VWA8: variants seen among roughly 807,000 people sequenced by gnomAD.
VWA8 encodes the protein von Willebrand factor A domain containing 8.
VWA8 carries 221 observed loss-of-function variants against 241.5 expected under a neutral mutation model. That is an observed-to-expected ratio of 0.91 (90% CI 0.82 to 1.02). The LOEUF (loss-of-function observed/expected upper bound fraction) is 1.02. Among genes scored for constraint, VWA8 ranks in the 50% least tolerant of loss-of-function variants. VWA8 has a pLI of 0.00. For missense variants in VWA8, 2,322 were observed against 2,328.7 expected, an observed-to-expected ratio of 1.00 and a Z score of 0.06; for synonymous variants, 852 against 827.1, an observed-to-expected ratio of 1.03 and a Z score of -0.52.
At chr13:41,749,901 C>T (rs942296359) in intron 21 of VWA8, among the ~76,000 whole-genome samples, 2 of 151,550 alleles carry the variant, frequency 1.3e-5, no homozygotes, top group Non-Finnish European at 2.9e-5. Flanking sequence ...GGAGGGATAG[C>T]ATTAGGAGAT....
intron 24 of VWA8, 31 bp from the exon 25 acceptor site, chr13:41,721,606 T>C: frequency 6.3e-7 from 1 of 1,589,658 alleles, no homozygotes; most frequent in South Asian, 1.1e-5. Context: ...ACATTCAGTA[T>C]GCAACAAATC....
Position 41,885,456 on chromosome 13 carries a change from A to C in VWA8, c.975+464T>G, listed in dbSNP as rs186141620. On this transcript the variant is annotated intron_variant, in intron 8 of 44. Coordinates refer to ENST00000379310, the MANE Select transcript of VWA8 (RefSeq NM_015058.2). ...AGCAATTGCTGTAGGTCTTTCTAAG[A>C]AGACGATCCTTGGGCTCTTGAAGCC... 5.0e-3 allele frequency among the ~76,000 whole-genome samples: 767 copies of C among 152,322 alleles called. 8 individuals carry two copies. Among genetic ancestry groups the C allele is most frequent in the African/African-American group, 0.018 (731 of 41,562 alleles).
chr13:41,633,169 C>T (rs1426346363), intron 37 of VWA8, among the ~76,000 whole-genome samples: 1 of 152,192 alleles, frequency 6.6e-6, no homozygotes, highest in East Asian at 1.9e-4. Flanking sequence ...TACATCCACA[C>T]ATATACATTT....
At chr13:41,867,394 T>TC (rs573320803) in intron 10 of VWA8, among the ~76,000 whole-genome samples, 90 of 152,300 alleles carry the variant, frequency 5.9e-4, no homozygotes, top group African/African-American at 2.0e-3. Context: ...GATGAACCAT[T>TC]CATCTGAACA....
chr13:41,944,019 C>CTGGGA (rs1273456670), intron 2 of VWA8, among the ~76,000 whole-genome samples: 6 of 151,714 alleles, frequency 4.0e-5, no homozygotes, highest in Admixed American at 3.9e-4. Flanking sequence ...GTAGGAGAAT[C>CTGGGA]GCTTGAACCT....
intron 37 of VWA8, among the ~76,000 whole-genome samples, chr13:41,637,486 C>T (rs1296579071): frequency 2.8e-4 from 42 of 151,016 alleles, no homozygotes; most frequent in Non-Finnish European, 2.5e-4. Context: ...ATGGGTGCAG[C>T]ACACCAACGT....
In VWA8 at chr13:41,949,626, A is replaced by T. The variant is rs190339607; in HGVS notation, c.241+310T>A. Among the ~76,000 whole-genome samples the T allele has an allele frequency of 8.3e-3, 1,213 of 145,386 alleles. 8 individuals carry two copies. The highest frequency in any genetic ancestry group is 0.011 in the Non-Finnish European group (751 of 65,614). On this transcript the variant is annotated intron_variant, in intron 2 of 44. Coordinates refer to ENST00000379310, the MANE Select transcript of VWA8 (RefSeq NM_015058.2). The stretch of plus-strand genomic sequence containing the variant: ...GTGTCCCAGGGCTTAAAGTATAATT[A>T]AAAAAAAAAAAAGTTCTGTGCATTA...
chr13:41,904,533 A>G (rs1394764384), intron 4 of VWA8, among the ~76,000 whole-genome samples: 2 of 152,098 alleles, frequency 1.3e-5, no homozygotes, highest in African/African-American at 4.8e-5. Context: ...TTTTTTTAAA[A>G]CCTTGTCAAT....
At chr13:41,881,847 G>A (rs1593841687) in intron 9 of VWA8, among the ~76,000 whole-genome samples, 1 of 146,736 alleles carries the variant, frequency 6.8e-6, no homozygotes, top group East Asian at 2.1e-4. Context: ...CGGCTGGCCG[G>A]GCGGGGGGCT....
chr13:41,815,620 C>G (rs1333762449), intron 16 of VWA8, among the ~76,000 whole-genome samples: 3 of 152,220 alleles, frequency 2.0e-5, no homozygotes, highest in African/African-American at 7.2e-5. Context: ...CCTGGAGCCT[C>G]CGATGGAGTG....
chr13:41,668,805 T>C (rs1221543018), intron 37 of VWA8, among the ~76,000 whole-genome samples: 1 of 152,206 alleles, frequency 6.6e-6, no homozygotes, highest in Non-Finnish European at 1.5e-5. Context: ...AGTATGTATA[T>C]AAGTATGCAT....
intron 12 of VWA8, among the ~76,000 whole-genome samples, chr13:41,856,493 G>A (rs1028453189): frequency 5.3e-5 from 8 of 152,154 alleles, no homozygotes; most frequent in Admixed American, 4.6e-4. Flanking sequence ...AGAGTATTCA[G>A]TTCTCAATAA....
intron 2 of VWA8, among the ~76,000 whole-genome samples, chr13:41,917,039 T>C (rs923554113): frequency 6.6e-6 from 1 of 152,210 alleles, no homozygotes; most frequent in Non-Finnish European, 1.5e-5. Context: ...CATACTGGCC[T>C]AAATCCCTGA....
At chr13:41,803,428 AAAAG>A (rs1328574256) in intron 17 of VWA8, among the ~76,000 whole-genome samples, 1 of 152,216 alleles carries the variant, frequency 6.6e-6, no homozygotes, top group African/African-American at 2.4e-5. Context: ...GGAAATTTAC[AAAAG>A]AAAGAGGTTT....
At chr13:41,636,406 C>T (rs1043408101) in intron 37 of VWA8, among the ~76,000 whole-genome samples, 1 of 152,118 alleles carries the variant, frequency 6.6e-6, no homozygotes, top group Non-Finnish European at 1.5e-5. Flanking sequence ...CCCTTCCTTA[C>T]ACCTTGTACA....
intron 37 of VWA8, among the ~76,000 whole-genome samples, chr13:41,656,953 G>A (rs34638166): frequency 0.019 from 2,879 of 152,200 alleles, 29 homozygotes; most frequent in South Asian, 0.051. Context: ...CATGTTTCAG[G>A]TGTGACTGAT....
In VWA8 at chr13:41,605,168, C is replaced by A. The variant is rs751589386; in HGVS notation, c.4986G>T (p.Gln1662His). The change falls in exon 40 of 45, where the codon CAG (glutamine) becomes CAT (histidine). Residue 1662 changes from glutamine (Q) to histidine (H), a missense_variant and splice_region_variant. By Grantham distance (24) the Gln-to-His change is conservative. Transcript: ENST00000379310. Reference sequence around the variant, plus strand: ...TCTTGGTCCATAAGTAGAAGATTACCTGTAAATTATCCAGGATGATTCGGA... The same window carrying A: ...TCTTGGTCCATAAGTAGAAGATTACATGTAAATTATCCAGGATGATTCGGA... ...HSLRIILDNLQAKGKERQWLR... is the reference protein window; with the variant it reads ...HSLRIILDNLHAKGKERQWLR... 6.2e-7 allele frequency: 1 copy of A among 1,612,668 alleles called. No homozygotes were observed. The highest frequency in any genetic ancestry group is 1.1e-5 in the South Asian group (1 of 91,014).
At chr13:41,630,132 G>T (rs1396291455) in intron 37 of VWA8, among the ~76,000 whole-genome samples, 3 of 152,136 alleles carry the variant, frequency 2.0e-5, no homozygotes, top group Non-Finnish European at 4.4e-5. Flanking sequence ...AGCATATGAG[G>T]CCTATTCCCT....
intron 21 of VWA8, among the ~76,000 whole-genome samples, chr13:41,747,029 C>A (rs1261190236): frequency 1.3e-5 from 2 of 152,162 alleles, no homozygotes; most frequent in Non-Finnish European, 2.9e-5. Flanking sequence ...AGTCAGGTAG[C>A]ATGATGCCTC....
Sources: allele counts gnomAD v4.1 joint callset (sites outside exome capture counted in the v4.1 genomes callset), GRCh38; gene constraint gnomAD v4.1.1; transcripts MANE v1.5; gene names NCBI Gene and HGNC (gene_info 2026-07-23, HGNC 2026-07-21).